The following PCDHGB2 variants were observed in gnomAD, a reference collection of about 807,000 sequenced individuals.
The protein encoded by PCDHGB2 is protocadherin gamma subfamily B, 2.
A neutral mutation model predicts 59.3 loss-of-function variants in PCDHGB2; 55 were observed. That is an observed-to-expected ratio of 0.93 (90% CI 0.75 to 1.16). The LOEUF is 1.16. Among genes scored for constraint, PCDHGB2 ranks in the 50% most tolerant of loss-of-function variants. PCDHGB2 has a pLI of 0.00. For synonymous variants in PCDHGB2, 516 were observed against 512.0 expected (o/e 1.01, Z -0.11); for missense variants, 1,228 against 1,198.5 (o/e 1.02, Z -0.36).
intron 1 of PCDHGB2, chr5:141,423,481 C>G: frequency 6.2e-7 from 1 of 1,613,908 alleles, no homozygotes; most frequent in South Asian, 1.1e-5. Context: ...GGCTTTCCTG[C>G]AAACCTATTC....
intron 1 of PCDHGB2, chr5:141,402,902 G>GA: frequency 6.6e-7 from 1 of 1,522,022 alleles, no homozygotes; most frequent in Non-Finnish European, 8.8e-7. Flanking sequence ...AGAACCTGAT[G>GA]AAGCAGCGCG....
intron 1 of PCDHGB2, among the ~76,000 whole-genome samples, chr5:141,464,132 G>A (rs1432411937): frequency 6.6e-6 from 1 of 152,076 alleles, no homozygotes; most frequent in Non-Finnish European, 1.5e-5. Flanking sequence ...GGGTGTGGTG[G>A]TGGGCGCCTG....
chr5:141,458,506 A>G (rs1443711702), intron 1 of PCDHGB2, among the ~76,000 whole-genome samples: 1 of 150,282 alleles, frequency 6.7e-6, no homozygotes, highest in Non-Finnish European at 1.5e-5. Flanking sequence ...ATACTGTTTG[A>G]CACTTTGTTT....
intron 1 of PCDHGB2, chr5:141,410,843 C>CTT: frequency 4.6e-6 from 1 of 216,280 alleles, no homozygotes; most frequent in South Asian, 8.0e-5. Flanking sequence ...GATATTTTGT[C>CTT]TTTGTCTTTT....
rs181587578 is a variant in PCDHGB2, at chr5:141,366,566, G to T, written c.2421+4010G>T. 1.9e-6 allele frequency: 3 copies of T among 1,614,254 alleles called. No homozygotes were observed. The East Asian group carries it at 6.7e-5, about 36-fold the overall frequency. ...CTCGCACTTTGTGGGCGTGGATGGG[G>T]TTCGGGCTTTCCTGCAGACCTATTC... On this transcript the variant is annotated intron_variant, in intron 1 of 3. Coordinates refer to ENST00000522605, the MANE Select transcript of PCDHGB2 (RefSeq NM_018923.3).
chr5:141,362,740 A>G (rs1762658302), intron 1 of PCDHGB2, 184 bp downstream of exon 1: 1 of 732,538 alleles, frequency 1.4e-6, no homozygotes, highest in Non-Finnish European at 2.2e-6. Flanking sequence ...TTATTTACCC[A>G]TGATTGCAAA....
At position 141,477,217 on chromosome 5, in the gene PCDHGB2, G is replaced by T. The variant is rs745497348; in HGVS notation, c.2422-17590G>T. On this transcript the variant is annotated intron_variant, in intron 1 of 3. Transcript: ENST00000522605. This position sits in a 1 kb window ranked among gnomAD's most constrained non-coding sequence, Gnocchi z 4.9. ...GCCCAGTACCCGAGGATGCCCCTCTGGGGACTGTCATCGCTTTGCTCAGTG... is the reference window on the plus strand; with the variant it reads ...GCCCAGTACCCGAGGATGCCCCTCTTGGGACTGTCATCGCTTTGCTCAGTG... The T allele has an allele frequency of 8.1e-6, 13 of 1,614,178 alleles. No homozygotes were observed. The African/African-American group carries it at 1.7e-4, about 22-fold the overall frequency.
At chr5:141,409,069 A>G (rs886525915) in intron 1 of PCDHGB2, 5 of 1,614,008 alleles carry the variant, frequency 3.1e-6, no homozygotes, top group Non-Finnish European at 4.2e-6. Context: ...AGAGCACAAA[A>G]CATATGTTCT....
At chr5:141,402,580 T>C (rs1217508250) in intron 1 of PCDHGB2, among the ~76,000 whole-genome samples, 3 of 152,226 alleles carry the variant, frequency 2.0e-5, no homozygotes, top group South Asian at 4.1e-4. Context: ...CTCAGATATC[T>C]AAAAAATAGA....
intron 1 of PCDHGB2, chr5:141,408,684 A>G (rs1660685979): frequency 6.2e-7 from 1 of 1,613,862 alleles, no homozygotes; most frequent in African/African-American, 1.3e-5. Context: ...ACGGATCCTG[A>G]TATAAACATA....
At chr5:141,421,060 A>C (rs1394861719) in intron 1 of PCDHGB2, 3 of 579,718 alleles carry the variant, frequency 5.2e-6, no homozygotes, top group Non-Finnish European at 8.8e-6. Context: ...TACCACACAA[A>C]GCGGAATGAG....
intron 1 of PCDHGB2, chr5:141,423,165 C>T (rs1307049367): frequency 6.8e-6 from 11 of 1,613,434 alleles, no homozygotes; most frequent in Admixed American, 3.3e-5. Context: ...TCGTGGTGGC[C>T]GTCCAGGACC....
At chr5:141,413,270 C>T (rs2095621736) in intron 1 of PCDHGB2, 5 of 1,613,924 alleles carry the variant, frequency 3.1e-6, no homozygotes, top group Non-Finnish European at 4.2e-6. Flanking sequence ...GAGGCTGGAG[C>T]CCGGCAGATC....
Position 141,361,166 on chromosome 5 carries a change from C to G in PCDHGB2, c.1031C>G (p.Ala344Gly). ...QVEILDDNDC[A>G]PEVIVTSVST... ...GAAATTCTTGATGACAACGATTGTG[C>G]ACCTGAAGTTATTGTGACTTCAGTA... The change falls in exon 1 of 4, where the codon GCA (alanine) becomes GGA (glycine). Residue 344 changes from alanine to glycine, a missense_variant. Physicochemically the swap from Ala to Gly is moderately conservative, Grantham distance 60 (BLOSUM62 0). This residue lies in a region of PCDHGB2 where 781 missense variants were observed against 721.6 expected (regional missense o/e 1.08). Coordinates refer to ENST00000522605, the MANE Select transcript of PCDHGB2 (RefSeq NM_018923.3). 1 of 1,613,940 alleles carries G rather than the reference C, an allele frequency of 6.2e-7. No homozygotes were observed. Among genetic ancestry groups the G allele is most frequent in the South Asian group, 1.1e-5 (1 of 91,082 alleles).
At chr5:141,435,730 T>C (rs913229799) in intron 1 of PCDHGB2, among the ~76,000 whole-genome samples, 1 of 152,226 alleles carries the variant, frequency 6.6e-6, no homozygotes, top group African/African-American at 2.4e-5. Context: ...TAAAGTGTAT[T>C]ACTCTTTGAA....
At chr5:141,404,720 A>C in intron 1 of PCDHGB2, 1 of 1,613,804 alleles carries the variant, frequency 6.2e-7, no homozygotes, top group Non-Finnish European at 8.5e-7. Flanking sequence ...CCTGGTGACC[A>C]AGGTGGTGGC....
chr5:141,407,869 A>T lies in PCDHGB2; in HGVS notation c.2421+45313A>T, dbSNP rs1031666668. ...GGATGTACACCTGCATTTTCGAAGA[A>T]TATATACATTTCGGAGACCGAATTC... On this transcript the variant is annotated intron_variant, in intron 1 of 3. Coordinates refer to ENST00000522605, the MANE Select transcript of PCDHGB2 (RefSeq NM_018923.3). Among the ~76,000 whole-genome samples, 20 of 152,262 alleles carry T rather than the reference A, an allele frequency of 1.3e-4. No homozygotes were observed. The East Asian group carries it at 1.5e-3, about 12-fold the overall frequency.
In PCDHGB2 at chr5:141,399,858, T is replaced by G. The variant is rs1003401029; in HGVS notation, c.2421+37302T>G. On this transcript the variant is annotated intron_variant, in intron 1 of 3. Transcript: ENST00000522605. The stretch of plus-strand genomic sequence containing the variant: ...CGCTCTTCGATATGGTGCCGCGCGC[T>G]GCAGAGCCCGGCTACCTGGTGACCA... The G allele has an allele frequency of 3.7e-6, 6 of 1,612,764 alleles. No individual in the cohort carries two copies. In the African/African-American group the frequency reaches 6.7e-5, roughly 18 times the overall value.
chr5:141,446,289 G>T (rs1333286399), intron 1 of PCDHGB2, among the ~76,000 whole-genome samples: 1 of 152,112 alleles, frequency 6.6e-6, no homozygotes, highest in Non-Finnish European at 1.5e-5. Flanking sequence ...GATAAATGGG[G>T]AGCAGGGATT....
Sources: allele counts gnomAD v4.1 joint callset (sites outside exome capture counted in the v4.1 genomes callset), GRCh38; gene constraint gnomAD v4.1.1; regional missense constraint gnomAD v4.1.1; non-coding constraint Gnocchi (gnomAD v3.1); transcripts MANE v1.5; gene names NCBI Gene and HGNC (gene_info 2026-07-23, HGNC 2026-07-21).